CNTNAP2: variants seen among roughly 807,000 people sequenced by gnomAD.
CNTNAP2 encodes the protein contactin associated protein 2.
Under a neutral mutation model 155.2 loss-of-function variants are expected in CNTNAP2, and 98 were observed. That is an observed-to-expected ratio of 0.63 (90% CI 0.54 to 0.75). CNTNAP2 has a LOEUF of 0.75. Ranked by LOEUF, CNTNAP2 falls within the 30% of genes least tolerant of loss-of-function variation. The pLI, the probability that CNTNAP2 is intolerant of heterozygous loss-of-function variation, is 0.00. For missense variants in CNTNAP2, 1,727 were observed against 1,688.1 expected (o/e 1.02, Z -0.40); for synonymous variants, 651 against 631.2 (o/e 1.03, Z -0.47).
At chr7:147,587,211 A>T (rs1800646275) in intron 12 of CNTNAP2, among the ~76,000 whole-genome samples, 1 of 152,202 alleles carries the variant, frequency 6.6e-6, no homozygotes, top group African/African-American at 2.4e-5. Flanking sequence ...AGCACTTGTG[A>T]ATTAGCGTCG....
chr7:147,638,085 A>C (rs565019897), intron 12 of CNTNAP2, among the ~76,000 whole-genome samples: 1 of 152,228 alleles, frequency 6.6e-6, no homozygotes, highest in Admixed American at 6.5e-5. Context: ...AATAAAATTA[A>C]GGATTTAAAT....
At chr7:146,372,857 T>G (rs1050803168) in intron 1 of CNTNAP2, among the ~76,000 whole-genome samples, 4 of 152,252 alleles carry the variant, frequency 2.6e-5, no homozygotes, top group African/African-American at 9.6e-5. Context: ...AAAACTCTTT[T>G]CCCTCATGTT....
intron 9 of CNTNAP2, among the ~76,000 whole-genome samples, chr7:147,309,992 A>G (rs1795093610): frequency 6.6e-6 from 1 of 152,140 alleles, no homozygotes; most frequent in Admixed American, 6.5e-5. Flanking sequence ...AATTATATGC[A>G]TAAAAGAAAA....
chr7:146,599,765 G>GATAA, intron 1 of CNTNAP2, among the ~76,000 whole-genome samples: 1 of 151,806 alleles, frequency 6.6e-6, no homozygotes, highest in East Asian at 1.9e-4. Context: ...TAGATAGATA[G>GATAA]ATAGATAGAT....
chr7:147,475,127 T>A (rs1798293883), intron 10 of CNTNAP2, among the ~76,000 whole-genome samples: 1 of 152,214 alleles, frequency 6.6e-6, no homozygotes, highest in Admixed American at 6.5e-5. Flanking sequence ...AATTTATTAC[T>A]AAGTTTCTAA....
chr7:147,459,388 G>A lies in CNTNAP2; in HGVS notation c.1671-26547G>A, dbSNP rs75762480. On this transcript the variant is annotated intron_variant, in intron 10 of 23. Transcript: ENST00000361727. ...AGTAGCCCTTTACCTATGACAGAATGGTGGTTTCCAGAATGTACTAATCCC... is the reference window on the plus strand; with the variant it reads ...AGTAGCCCTTTACCTATGACAGAATAGTGGTTTCCAGAATGTACTAATCCC... 8.8e-3 allele frequency among the ~76,000 whole-genome samples: 1,339 copies of A among 152,168 alleles called. 22 individuals are homozygous for A. Among genetic ancestry groups the A allele is most frequent in the African/African-American group, 0.031 (1,279 of 41,508 alleles).
At chr7:146,845,501 G>A (rs979191234) in intron 3 of CNTNAP2, among the ~76,000 whole-genome samples, 1 of 152,124 alleles carries the variant, frequency 6.6e-6, no homozygotes, top group Non-Finnish European at 1.5e-5. Flanking sequence ...ATTAAGATTA[G>A]AAACATGTGT....
intron 10 of CNTNAP2, among the ~76,000 whole-genome samples, chr7:147,427,650 G>A (rs1797401242): frequency 6.6e-6 from 1 of 152,126 alleles, no homozygotes; most frequent in Non-Finnish European, 1.5e-5. Flanking sequence ...TGAAAACTGA[G>A]AGAATTGAAC....
chr7:146,187,657 T>G (rs781363074), intron 1 of CNTNAP2, among the ~76,000 whole-genome samples: 1 of 151,884 alleles, frequency 6.6e-6, no homozygotes, highest in Non-Finnish European at 1.5e-5. Flanking sequence ...CTCTCTCTCC[T>G]CCCCCTCCTT....
intron 4 of CNTNAP2, among the ~76,000 whole-genome samples, chr7:147,048,261 G>C (rs1799405853): frequency 6.6e-6 from 1 of 151,946 alleles, no homozygotes; most frequent in Non-Finnish European, 1.5e-5. Flanking sequence ...GGTAGACAGG[G>C]AGAGATTTCA....
chr7:148,000,728 C>T (rs1048495393), intron 15 of CNTNAP2, among the ~76,000 whole-genome samples: 9 of 152,178 alleles, frequency 5.9e-5, no homozygotes, highest in African/African-American at 1.7e-4. Context: ...AGTGCCATTA[C>T]GGGCTGAGGA....
At chr7:147,815,834 G>GGCTC in intron 13 of CNTNAP2, among the ~76,000 whole-genome samples, 1 of 152,294 alleles carries the variant, frequency 6.6e-6, no homozygotes, top group African/African-American at 2.4e-5. Context: ...TGACCACCAG[G>GGCTC]GCTCCGCGGG....
intron 8 of CNTNAP2, among the ~76,000 whole-genome samples, chr7:147,167,943 T>TATTTAC (rs1206403513): frequency 6.6e-6 from 1 of 151,102 alleles, no homozygotes; most frequent in East Asian, 1.9e-4. Context: ...TTTAAAAATA[T>TATTTAC]ATTTACATTA....
chr7:147,754,907 C>A (rs1467722406), intron 13 of CNTNAP2, among the ~76,000 whole-genome samples: 1 of 151,956 alleles, frequency 6.6e-6, no homozygotes, highest in African/African-American at 2.4e-5. Context: ...TAGAAATTTT[C>A]GTAATAAAAA....
At chr7:147,623,516 G>A (rs538213070) in intron 12 of CNTNAP2, among the ~76,000 whole-genome samples, 25 of 151,836 alleles carry the variant, frequency 1.6e-4, no homozygotes, top group African/African-American at 5.8e-4. Context: ...AATAGCCACA[G>A]ATAAAATTAA....
chr7:147,783,142 C>A (rs1214943568), intron 13 of CNTNAP2, among the ~76,000 whole-genome samples: 2 of 152,054 alleles, frequency 1.3e-5, no homozygotes, highest in East Asian at 3.9e-4. Flanking sequence ...GAAAATAATG[C>A]ATAATGTTGG....
rs551378397 is a variant in CNTNAP2 at position 146,669,979 on chromosome 7, A to G, written c.98-104292A>G. On this transcript the variant is annotated intron_variant, in intron 1 of 23. Transcript: ENST00000361727. ...GCAATCAAATTTTGTAATCTGTAAA[A>G]GAACATACATTAATGTTTTGTTCAA... Among the ~76,000 whole-genome samples, 8 of 152,300 alleles carry G rather than the reference A, an allele frequency of 5.3e-5. No homozygotes were observed. The South Asian group carries it at 1.4e-3, about 28-fold the overall frequency.
intron 15 of CNTNAP2, among the ~76,000 whole-genome samples, chr7:148,104,775 CATATCAG>C (rs1182141060): frequency 6.6e-6 from 1 of 152,206 alleles, no homozygotes; most frequent in African/African-American, 2.4e-5. Flanking sequence ...AGATGACTAG[CATATCAG>C]ATATCTGAGA....
Position 147,619,950 on chromosome 7 carries a change from C to T in CNTNAP2, c.1898-19156C>T, listed in dbSNP as rs544070135. Reference sequence around the variant, plus strand: ...TGGTGGCCAAGGAGTAGTTGTGTCACTCCACCCCTAGCTTTCAGTGGCTCA... The same window carrying T: ...TGGTGGCCAAGGAGTAGTTGTGTCATTCCACCCCTAGCTTTCAGTGGCTCA... On this transcript the variant is annotated intron_variant, in intron 12 of 23. Coordinates refer to ENST00000361727, the MANE Select transcript of CNTNAP2 (RefSeq NM_014141.6). 1.2e-3 allele frequency among the ~76,000 whole-genome samples: 185 copies of T among 152,330 alleles called. 1 individual carries two copies. The highest frequency in any genetic ancestry group is 4.3e-3 in the African/African-American group (177 of 41,572).
Sources: allele counts gnomAD v4.1 joint callset (sites outside exome capture counted in the v4.1 genomes callset), GRCh38; gene constraint gnomAD v4.1.1; transcripts MANE v1.5; gene names NCBI Gene and HGNC (gene_info 2026-07-23, HGNC 2026-07-21).